Variants in KCNIP4 observed in about 807,000 individuals in gnomAD.
KCNIP4 encodes potassium voltage-gated channel interacting protein 4, also known as Kv channel-interacting protein 4.
A neutral mutation model predicts 34.0 loss-of-function variants in KCNIP4; 12 were observed. The observed-to-expected ratio is 0.35, with a 90% CI of 0.23 to 0.57. KCNIP4 has a LOEUF of 0.57. Among genes scored for constraint, KCNIP4 ranks in the 20% least tolerant of loss-of-function variants. KCNIP4 has a pLI of 0.83. For synonymous variants in KCNIP4, 124 were observed against 102.2 expected (o/e 1.21, Z -1.29); for missense variants, 238 against 311.7 (o/e 0.76, Z 1.78).
chr4:21,832,274 C>T (rs906765290), intron 1 of KCNIP4, among the ~76,000 whole-genome samples: 2 of 152,148 alleles, frequency 1.3e-5, no homozygotes, highest in African/African-American at 4.8e-5. Context: ...TAATATTATA[C>T]TCAACAGTGA....
In KCNIP4 at chr4:21,864,021, C is replaced by T. The variant is rs150252338; in HGVS notation, c.61+84550G>A. ...GAAGACCTGAAGTAATGTTTTTCCA[C>T]GGTAGAAATGTAATAATTCTATGAA... is the stretch of plus-strand genomic sequence containing the variant. On this transcript the variant is annotated intron_variant, in intron 1 of 8. Transcript: ENST00000382152. 1.3e-3 allele frequency among the ~76,000 whole-genome samples: 195 copies of T among 152,270 alleles called. 1 individual carries two copies. Among genetic ancestry groups the T allele is most frequent in the Middle Eastern group, 3.4e-3 (1 of 294 alleles).
chr4:21,549,647 A>G (rs1577577720), intron 1 of KCNIP4, among the ~76,000 whole-genome samples: 2 of 152,204 alleles, frequency 1.3e-5, no homozygotes, highest in East Asian at 3.9e-4. Context: ...AGCCCCAGCA[A>G]TTCCTTTATA....
Position 21,705,404 on chromosome 4 carries a change from TATA to T in KCNIP4, c.61+243164_61+243166del, listed in dbSNP as rs560418516. Among the ~76,000 whole-genome samples, 133 of 152,284 alleles carry T rather than the reference TATA, an allele frequency of 8.7e-4. 1 individual carries two copies. The highest frequency in any genetic ancestry group is 3.0e-3 in the African/African-American group (123 of 41,566). ...ACTGCATCTCTCTGTATTATTTGCTTATAATTCCATGCTAATCTACAATTATAC... is the reference window on the plus strand; with the variant it reads ...ACTGCATCTCTCTGTATTATTTGCTTATTCCATGCTAATCTACAATTATAC... On this transcript the variant is annotated intron_variant, in intron 1 of 8. Transcript: ENST00000382152.
intron 1 of KCNIP4, among the ~76,000 whole-genome samples, chr4:21,834,790 T>C (rs1396300858): frequency 1.3e-5 from 2 of 151,854 alleles, no homozygotes; most frequent in Non-Finnish European, 2.9e-5. Flanking sequence ...TTATTGAGAG[T>C]TTTTAGCATG....
intron 1 of KCNIP4, among the ~76,000 whole-genome samples, chr4:21,879,871 T>C (rs116460789): frequency 0.014 from 2,142 of 152,226 alleles, 50 homozygotes; most frequent in African/African-American, 0.048. Context: ...GTTAGTCTCA[T>C]GATCGTAAGT....
At chr4:21,234,277 T>A (rs867961553) in intron 1 of KCNIP4, among the ~76,000 whole-genome samples, 2 of 76,658 alleles carry the variant, frequency 2.6e-5, no homozygotes, top group Non-Finnish European at 3.9e-5. Context: ...TAACATATAT[T>A]ATATATAACA....
intron 1 of KCNIP4, among the ~76,000 whole-genome samples, chr4:21,675,379 A>G (rs930535087): frequency 7.9e-5 from 12 of 152,140 alleles, no homozygotes; most frequent in African/African-American, 2.7e-4. Flanking sequence ...CTACTATTTG[A>G]TAGCACAATA....
intron 1 of KCNIP4, among the ~76,000 whole-genome samples, chr4:21,300,033 C>T (rs1764069541): frequency 6.6e-6 from 1 of 152,062 alleles, no homozygotes. Flanking sequence ...TTACCAATAA[C>T]AGTGACTTTT....
chr4:21,234,981 G>A (rs1038483759), intron 1 of KCNIP4, among the ~76,000 whole-genome samples: 2 of 151,566 alleles, frequency 1.3e-5, no homozygotes, highest in African/African-American at 4.9e-5. Context: ...AAACATATAA[G>A]GTTAAAAAGA....
chr4:20,977,413 AT>A, intron 1 of KCNIP4, among the ~76,000 whole-genome samples: 1 of 152,196 alleles, frequency 6.6e-6, no homozygotes, highest in Non-Finnish European at 1.5e-5. Context: ...TGCAGCATGT[AT>A]TCTCTCTCTC....
intron 1 of KCNIP4, among the ~76,000 whole-genome samples, chr4:20,887,808 G>A (rs997337854): frequency 1.3e-5 from 2 of 152,112 alleles, no homozygotes; most frequent in African/African-American, 4.8e-5. Context: ...GAAATAGAGA[G>A]CACAGGAAAT....
intron 1 of KCNIP4, among the ~76,000 whole-genome samples, chr4:21,131,120 G>T (rs1751036483): frequency 6.6e-6 from 1 of 152,042 alleles, no homozygotes; most frequent in African/African-American, 2.4e-5. Flanking sequence ...GTTCATAGTG[G>T]CACATTTTTA....
At chr4:21,419,207 T>C (rs1051744361) in intron 1 of KCNIP4, among the ~76,000 whole-genome samples, 3 of 152,372 alleles carry the variant, frequency 2.0e-5, no homozygotes, top group East Asian at 1.9e-4. Context: ...GTCCAAGCTC[T>C]AGCATCAAGC....
chr4:20,743,124 A>G (rs1381781981), intron 5 of KCNIP4, among the ~76,000 whole-genome samples: 1 of 151,914 alleles, frequency 6.6e-6, no homozygotes, highest in Non-Finnish European at 1.5e-5. Flanking sequence ...AAGAGGACAC[A>G]AACAAATGGA....
At chr4:21,078,756 C>T in intron 1 of KCNIP4, among the ~76,000 whole-genome samples, 1 of 152,078 alleles carries the variant, frequency 6.6e-6, no homozygotes, top group East Asian at 1.9e-4. Flanking sequence ...GGAACTGCTT[C>T]TTCCCTACTA....
intron 1 of KCNIP4, among the ~76,000 whole-genome samples, chr4:21,048,796 G>T (rs1347292941): frequency 3.3e-5 from 5 of 152,116 alleles, no homozygotes; most frequent in Non-Finnish European, 5.9e-5. Flanking sequence ...GGCCTAGCTT[G>T]CAAGAGAGTA....
intron 1 of KCNIP4, among the ~76,000 whole-genome samples, chr4:21,615,253 A>G (rs1300347245): frequency 6.6e-6 from 1 of 152,148 alleles, no homozygotes; most frequent in Non-Finnish European, 1.5e-5. Context: ...AACATACATC[A>G]TATAGGGCCG....
intron 1 of KCNIP4, among the ~76,000 whole-genome samples, chr4:21,682,146 G>T (rs746427278): frequency 6.6e-6 from 1 of 152,100 alleles, no homozygotes; most frequent in Non-Finnish European, 1.5e-5. Flanking sequence ...GTCCATGTCA[G>T]CCTTCCAAAG....
intron 1 of KCNIP4, among the ~76,000 whole-genome samples, chr4:21,860,219 T>C (rs950799873): frequency 1.3e-5 from 2 of 152,158 alleles, no homozygotes; most frequent in Admixed American, 6.5e-5. Flanking sequence ...CTGCAACTTC[T>C]GCCTCCTGGG....
Sources: allele counts gnomAD v4.1 joint callset (sites outside exome capture counted in the v4.1 genomes callset), GRCh38; gene constraint gnomAD v4.1.1; transcripts MANE v1.5; gene names NCBI Gene and HGNC (gene_info 2026-07-23, HGNC 2026-07-21).